Variants in INPP5D observed in about 807,000 individuals in gnomAD.
The protein encoded by INPP5D is inositol polyphosphate-5-phosphatase D.
A neutral mutation model predicts 122.9 loss-of-function variants in INPP5D; 33 were observed. The ratio of observed to expected loss-of-function variants is 0.27; its 90% CI spans 0.20 to 0.36. The LOEUF is 0.36. Among genes scored for constraint, INPP5D ranks in the 10% least tolerant of loss-of-function variants. INPP5D has a pLI of 1.00. For missense variants in INPP5D, 1,053 were observed against 1,412.7 expected, an observed-to-expected ratio of 0.75 and a Z score of 4.08; for synonymous variants, 584 against 576.2, an observed-to-expected ratio of 1.01 and a Z score of -0.19.
intron 9 of INPP5D, among the ~76,000 whole-genome samples, chr2:233,154,693 G>T (rs918560591): frequency 4.6e-5 from 7 of 152,102 alleles, no homozygotes; most frequent in Non-Finnish European, 7.4e-5. Flanking sequence ...ACCTTCCTTT[G>T]GAGCCTCAGT....
At chr2:233,112,878 G>C (rs142500744) in intron 2 of INPP5D, among the ~76,000 whole-genome samples, 5 of 151,972 alleles carry the variant, frequency 3.3e-5, no homozygotes, top group Non-Finnish European at 5.9e-5. Flanking sequence ...GGCTGGTCTC[G>C]AACTTGGGAC....
intron 2 of INPP5D, among the ~76,000 whole-genome samples, chr2:233,114,834 G>A (rs1692738630): frequency 6.6e-6 from 1 of 151,790 alleles, no homozygotes; most frequent in Non-Finnish European, 1.5e-5. Context: ...GGTGTGGGGA[G>A]CAACTGAAGC....
intron 2 of INPP5D, among the ~76,000 whole-genome samples, chr2:233,101,563 CAT>C (rs1201426076): frequency 1.4e-5 from 2 of 145,504 alleles, no homozygotes; most frequent in African/African-American, 5.0e-5. Flanking sequence ...TTAATAATGA[CAT>C]ATATGTCATA....
intron 5 of INPP5D, chr2:233,134,086 C>T (rs1473965599): frequency 6.7e-5 from 30 of 448,722 alleles, no homozygotes; most frequent in South Asian, 4.7e-4. Flanking sequence ...CTAGGGTGAC[C>T]CCTGGGTTCC....
Position 233,198,099 on chromosome 2 carries a change from C to T in INPP5D, c.2698C>T (p.Pro900Ser). 1 of 1,598,860 alleles carries T rather than the reference C, an allele frequency of 6.3e-7. No individual in the cohort carries two copies. Among genetic ancestry groups the T allele is most frequent in the Non-Finnish European group, 8.5e-7 (1 of 1,171,028 alleles). ...GACTCCATGTCCTCCCTGCAGGGCC[C>T]CTCCGTGCAGTGGCTCCAGCATCAC... Reference protein sequence around the residue: ...MKQWEVTSRAPPCSGSSITEI... With the variant: ...MKQWEVTSRASPCSGSSITEI... The change falls in exon 25 of 27, where the codon CCT becomes TCT. Residue 900 changes from proline (P) to serine (S), a missense_variant. By Grantham distance (74) the Pro-to-Ser change is moderately conservative. Coordinates refer to ENST00000445964, the MANE Select transcript of INPP5D (RefSeq NM_001017915.3).
chr2:233,175,144 G>A (rs1244294862), intron 17 of INPP5D, among the ~76,000 whole-genome samples: 2 of 149,030 alleles, frequency 1.3e-5, no homozygotes. Flanking sequence ...CTGGAACCTG[G>A]GAGGTGGAGA....
intron 1 of INPP5D, among the ~76,000 whole-genome samples, chr2:233,065,627 CTTTCTTTCTTTCTTTCTTTCTTTCTTTTT>C (rs1691199138): frequency 1.4e-4 from 1 of 7,298 alleles, no homozygotes; most frequent in African/African-American, 6.4e-4. Context: ...TTCTTTCTTT[CTTTCTTTCTTTCTTTCTTTCTTTCTTTTT>C]TTTTTTTTGA....
chr2:233,139,742 A>G (rs1693593746), intron 5 of INPP5D, 100 bp from the exon 6 acceptor site: 1 of 394,404 alleles, frequency 2.5e-6, no homozygotes, highest in Admixed American at 4.4e-5. Flanking sequence ...CTTCTGCTGG[A>G]CTGAGGGTGC....
intron 8 of INPP5D, among the ~76,000 whole-genome samples, chr2:233,147,207 C>T (rs1197433927): frequency 6.6e-6 from 1 of 152,174 alleles, no homozygotes; most frequent in Admixed American, 6.5e-5. Context: ...TCCAGCAATT[C>T]GTCTGTTTCC....
intron 6 of INPP5D, among the ~76,000 whole-genome samples, chr2:233,143,965 G>A (rs1693681353): frequency 6.6e-6 from 1 of 151,552 alleles, no homozygotes; most frequent in South Asian, 2.1e-4. Flanking sequence ...GATGGTGAGG[G>A]TGGAGATGGT....
At chr2:233,126,405 G>C (rs1223214085) in intron 4 of INPP5D, among the ~76,000 whole-genome samples, 1 of 152,132 alleles carries the variant, frequency 6.6e-6, no homozygotes, top group African/African-American at 2.4e-5. Flanking sequence ...AAAATATGAA[G>C]TAGATGCCGA....
At chr2:233,136,469 A>G (rs1441245342) in intron 5 of INPP5D, among the ~76,000 whole-genome samples, 3 of 114,380 alleles carry the variant, frequency 2.6e-5, no homozygotes, top group African/African-American at 7.1e-5. Context: ...ACAGAGCGAG[A>G]CCGCGTTTAA....
At position 233,188,821 on chromosome 2, in the gene INPP5D, C is replaced by T. The variant is rs1694982695; in HGVS notation, c.2359-1029C>T. Among the ~76,000 whole-genome samples, 1 of 152,136 alleles carries T rather than the reference C, an allele frequency of 6.6e-6. No homozygotes were observed. Among genetic ancestry groups the T allele is most frequent in the Non-Finnish European group, 1.5e-5 (1 of 68,012 alleles). ...CAAGTGATCCACCCACCTCGGCCTCCCAAAGTGCTGTGATTATAGGCATGA... is the reference window on the plus strand; with the variant it reads ...CAAGTGATCCACCCACCTCGGCCTCTCAAAGTGCTGTGATTATAGGCATGA... On this transcript the variant is annotated intron_variant, in intron 21 of 26. Coordinates refer to ENST00000445964, the MANE Select transcript of INPP5D (RefSeq NM_001017915.3). This position sits in a 1 kb window ranked among gnomAD's most constrained non-coding sequence, Gnocchi z 4.7.
intron 2 of INPP5D, among the ~76,000 whole-genome samples, chr2:233,090,914 C>T (rs555201109): frequency 9.9e-5 from 15 of 151,162 alleles, no homozygotes; most frequent in East Asian, 2.0e-4. Flanking sequence ...GCTGAGATCG[C>T]GCCACAACAC....
chr2:233,124,882 G>T (rs1266349464), intron 3 of INPP5D, among the ~76,000 whole-genome samples: 1 of 152,266 alleles, frequency 6.6e-6, no homozygotes, highest in Non-Finnish European at 1.5e-5. Flanking sequence ...CGCAGTCCAA[G>T]AGGTCTGTTT....
rs1694481112 is a variant in INPP5D, at chr2:233,170,981, A to T, written c.1901-83A>T. 2 of 1,554,480 alleles carry T rather than the reference A, an allele frequency of 1.3e-6. No homozygotes were observed. Among genetic ancestry groups the T allele is most frequent in the Non-Finnish European group, 1.7e-6 (2 of 1,146,446 alleles). ...CCATCCTTTCGTCCCCTTTCCCCTG[A>T]TTTCCTACCAGAAGAATAGGGAAAA... is the stretch of plus-strand genomic sequence containing the variant. On this transcript the variant is annotated intron_variant, in intron 16 of 26. Transcript: ENST00000445964. The surrounding 1 kb of genome is among the most constrained non-coding windows in gnomAD (Gnocchi z 4.5).
intron 17 of INPP5D, among the ~76,000 whole-genome samples, chr2:233,175,936 C>T (rs1694613459): frequency 6.6e-6 from 1 of 152,164 alleles, no homozygotes; most frequent in African/African-American, 2.4e-5. Context: ...CCCGCCTTGG[C>T]CTCCCAAAGT....
intron 2 of INPP5D, among the ~76,000 whole-genome samples, chr2:233,095,300 C>T (rs77495917): frequency 9.1e-4 from 138 of 152,276 alleles, no homozygotes; most frequent in African/African-American, 3.2e-3. Flanking sequence ...GATAGGATCT[C>T]ACTGTGTTGC....
intron 2 of INPP5D, among the ~76,000 whole-genome samples, chr2:233,115,523 C>T (rs181726415): frequency 8.5e-5 from 13 of 152,260 alleles, no homozygotes; most frequent in Admixed American, 1.3e-4. Context: ...GTCTGGACAA[C>T]GGCTGTTCTT....
Sources: gnomAD v4.1 joint callset for allele counts (sites outside exome capture counted in the v4.1 genomes callset) on GRCh38, gnomAD v4.1.1 for gene constraint, Gnocchi (gnomAD v3.1) non-coding constraint, MANE v1.5 for transcripts, NCBI Gene and HGNC (gene_info 2026-07-23, HGNC 2026-07-21) for gene names.